The following MGAT4C variants were observed in gnomAD, a reference collection of about 807,000 sequenced individuals.
MGAT4C encodes the protein alpha-1,3-mannosyl-glycoprotein 4-beta-N-acetylglucosaminyltransferase C.
A neutral mutation model predicts 40.1 loss-of-function variants in MGAT4C; 19 were observed. That is an observed-to-expected ratio of 0.47 (90% CI 0.33 to 0.70). MGAT4C has a LOEUF of 0.70. Among genes scored for constraint, MGAT4C ranks in the 30% least tolerant of loss-of-function variants. The probability of loss-of-function intolerance (pLI) is 0.02; values close to 1 mark genes in which losing one functional copy is unlikely to be tolerated. For synonymous variants in MGAT4C, 181 were observed against 187.1 expected (o/e 0.97, Z 0.27); for missense variants, 491 against 563.2 (o/e 0.87, Z 1.30).
chr12:86,820,538 A>G (rs1952687373), intron 1 of MGAT4C, among the ~76,000 whole-genome samples: 1 of 150,880 alleles, frequency 6.6e-6, no homozygotes, highest in African/African-American at 2.4e-5. Flanking sequence ...TTTGCCTGTA[A>G]GAAGAAGAAT....
At chr12:86,765,241 C>A (rs1951483756) in intron 1 of MGAT4C, among the ~76,000 whole-genome samples, 1 of 152,060 alleles carries the variant, frequency 6.6e-6, no homozygotes, top group South Asian at 2.1e-4. Flanking sequence ...GGAGCTAATG[C>A]AATCAACTGG....
At chr12:86,220,728 G>A (rs1475668738) in intron 1 of MGAT4C, among the ~76,000 whole-genome samples, 1 of 152,098 alleles carries the variant, frequency 6.6e-6, no homozygotes, top group Non-Finnish European at 1.5e-5. Flanking sequence ...GGCTACTGTG[G>A]ACTAAATATT....
chr12:86,791,179 A>G (rs761002971), intron 1 of MGAT4C, among the ~76,000 whole-genome samples: 26 of 152,132 alleles, frequency 1.7e-4, no homozygotes, highest in Non-Finnish European at 3.4e-4. Flanking sequence ...TATGACCAAG[A>G]CCACAGATGC....
At chr12:86,817,248 C>T (rs1952624373) in intron 1 of MGAT4C, among the ~76,000 whole-genome samples, 1 of 151,228 alleles carries the variant, frequency 6.6e-6, no homozygotes, top group Admixed American at 6.6e-5. Flanking sequence ...TTTAAGTTTA[C>T]ATTCACTTCA....
intron 3 of MGAT4C, among the ~76,000 whole-genome samples, chr12:86,388,817 G>T (rs1956112357): frequency 6.6e-6 from 1 of 151,600 alleles, no homozygotes; most frequent in Non-Finnish European, 1.5e-5. Context: ...GAGTAGCTGG[G>T]ATTACAGGCA....
intron 2 of MGAT4C, chr12:86,022,415 A>G (rs1005847442): frequency 1.3e-5 from 2 of 152,246 alleles, no homozygotes; most frequent in African/African-American, 4.8e-5. Context: ...AGATTAATTT[A>G]AAGTCCATGT....
At chr12:86,372,652 A>T (rs1002375867) in intron 3 of MGAT4C, among the ~76,000 whole-genome samples, 20 of 151,942 alleles carry the variant, frequency 1.3e-4, no homozygotes, top group Admixed American at 3.9e-4. Context: ...CAATCTAAAA[A>T]CAAAGGAACT....
chr12:86,020,190 T>C (rs55757008), intron 2 of MGAT4C, among the ~76,000 whole-genome samples: 10,774 of 152,210 alleles, frequency 0.071, 533 homozygotes, highest in Middle Eastern at 0.23. Context: ...TATCTCCTTC[T>C]CCTGCCTGAC....
chr12:86,061,480 T>G (rs1177002598), intron 1 of MGAT4C, among the ~76,000 whole-genome samples: 1 of 151,934 alleles, frequency 6.6e-6, no homozygotes, highest in Non-Finnish European at 1.5e-5. Flanking sequence ...TTTTGTTTTT[T>G]TTTTTCCATG....
intron 1 of MGAT4C, among the ~76,000 whole-genome samples, chr12:86,811,336 A>ATTTTTTTTTTTTTTTTTTTTTTT (rs553885593): frequency 9.4e-6 from 1 of 106,946 alleles, no homozygotes; most frequent in Admixed American, 1.1e-4. Flanking sequence ...CACTCATAGT[A>ATTTTTTTTTTTTTTTTTTTTTTT]TTTTTTTTTT....
At position 86,287,356 on chromosome 12, in the gene MGAT4C, T is replaced by C. The variant is rs1953379189; in HGVS notation, c.-57+46709A>G. On this transcript the variant is annotated intron_variant, in intron 4 of 7. Transcript: ENST00000548651. ...CCATTTCTTTTTTTTCTTTATACTT[T>C]TTTTTTCTTTTTAATTATACTTTAA... Among the ~76,000 whole-genome samples, 3 of 133,878 alleles carry C rather than the reference T, an allele frequency of 2.2e-5. No homozygotes were observed. In the South Asian group the frequency reaches 8.2e-4, roughly 36 times the overall value. 87.8% of individuals were successfully genotyped at this position (133,878 alleles called of 152,430 possible).
intron 1 of MGAT4C, among the ~76,000 whole-genome samples, chr12:86,123,514 T>C (rs1322864872): frequency 6.6e-6 from 1 of 152,102 alleles, no homozygotes; most frequent in African/African-American, 2.4e-5. Flanking sequence ...AATCTTCAAC[T>C]ATATTTGCTA....
chr12:86,640,707 T>C (rs1212478517), intron 2 of MGAT4C, among the ~76,000 whole-genome samples: 1 of 152,022 alleles, frequency 6.6e-6, no homozygotes, highest in Non-Finnish European at 1.5e-5. Flanking sequence ...GGTGTCAATT[T>C]TGGATCTTTC....
chr12:86,178,085 C>T (rs1887680755), intron 1 of MGAT4C, among the ~76,000 whole-genome samples: 1 of 152,040 alleles, frequency 6.6e-6, no homozygotes. Flanking sequence ...TACAGGTGCC[C>T]ACCACCATGC....
chr12:86,420,806 T>C (rs185806393), intron 3 of MGAT4C, among the ~76,000 whole-genome samples: 31 of 143,196 alleles, frequency 2.2e-4, no homozygotes, highest in African/African-American at 6.8e-4. Context: ...CACACACACA[T>C]ATATATGTGT....
intron 2 of MGAT4C, among the ~76,000 whole-genome samples, chr12:86,528,962 A>C (rs1355505934): frequency 6.6e-6 from 1 of 152,072 alleles, no homozygotes; most frequent in Admixed American, 6.6e-5. Context: ...CCCTGAACTT[A>C]AAATAAAAGT....
At chr12:86,512,728 C>T (rs1033703903) in intron 2 of MGAT4C, among the ~76,000 whole-genome samples, 1 of 151,946 alleles carries the variant, frequency 6.6e-6, no homozygotes, top group African/African-American at 2.4e-5. Flanking sequence ...CTAAAGGAGT[C>T]AAACTCACAG....
At chr12:86,632,205 G>A (rs568527414) in intron 2 of MGAT4C, among the ~76,000 whole-genome samples, 1 of 152,170 alleles carries the variant, frequency 6.6e-6, no homozygotes, top group African/African-American at 2.4e-5. Flanking sequence ...ATCACAATGA[G>A]ATAGCATCTC....
At chr12:86,566,322 A>C (rs893476464) in intron 2 of MGAT4C, among the ~76,000 whole-genome samples, 1 of 151,452 alleles carries the variant, frequency 6.6e-6, no homozygotes, top group Admixed American at 6.6e-5. Flanking sequence ...CTAGAGTATA[A>C]AAGCAAGCAG....
Sources: allele counts gnomAD v4.1 joint callset (sites outside exome capture counted in the v4.1 genomes callset), GRCh38; gene constraint gnomAD v4.1.1; transcripts MANE v1.5; gene names NCBI Gene and HGNC (gene_info 2026-07-23, HGNC 2026-07-21).